The following GMPR variants were observed in gnomAD, a reference collection of about 807,000 sequenced individuals.
The protein encoded by GMPR is guanosine monophosphate reductase.
A neutral mutation model predicts 38.4 loss-of-function variants in GMPR; 31 were observed. That is an observed-to-expected ratio of 0.81 (90% CI 0.61 to 1.09). The LOEUF (loss-of-function observed/expected upper bound fraction) is 1.09. Among genes scored for constraint, GMPR ranks in the 50% least tolerant of loss-of-function variants. The pLI, the probability that GMPR is intolerant of heterozygous loss-of-function variation, is 0.00. For missense variants in GMPR, 468 were observed against 453.7 expected, an observed-to-expected ratio of 1.03 and a Z score of -0.29; for synonymous variants, 162 against 173.3, an observed-to-expected ratio of 0.93 and a Z score of 0.51.
chr6:16,292,093 A>T (rs1480601064), intron 8 of GMPR, among the ~76,000 whole-genome samples: 2 of 152,176 alleles, frequency 1.3e-5, no homozygotes, highest in East Asian at 3.9e-4. Flanking sequence ...TTTCCAGGAA[A>T]GTTCAGGCTT....
At chr6:16,282,050 C>T (rs1759583387) in intron 6 of GMPR, among the ~76,000 whole-genome samples, 1 of 152,214 alleles carries the variant, frequency 6.6e-6, no homozygotes, top group Non-Finnish European at 1.5e-5. Context: ...AGAAACCCAC[C>T]AGGTGTTTTG....
chr6:16,269,868 C>A (rs147372419), intron 4 of GMPR, among the ~76,000 whole-genome samples: 4 of 152,300 alleles, frequency 2.6e-5, no homozygotes, highest in African/African-American at 9.6e-5. Flanking sequence ...AGTCCAGTAT[C>A]AAGGCAGATT....
intron 4 of GMPR, among the ~76,000 whole-genome samples, chr6:16,261,949 T>A (rs372126851): frequency 2.0e-5 from 3 of 151,894 alleles, no homozygotes; most frequent in East Asian, 1.9e-4. Flanking sequence ...GATAATTTAG[T>A]TAAAGTGTCT....
chr6:16,287,430 T>C (rs1174954838), intron 7 of GMPR, among the ~76,000 whole-genome samples: 14 of 152,182 alleles, frequency 9.2e-5, no homozygotes, highest in Non-Finnish European at 2.1e-4. Context: ...TGGACCACAC[T>C]CAGCTCAGTC....
At chr6:16,290,671 T>A (rs573434737) in intron 8 of GMPR, 50 bp downstream of exon 8, 1 of 1,530,168 alleles carries the variant, frequency 6.5e-7, no homozygotes, top group Non-Finnish European at 9.0e-7. Flanking sequence ...CTTGCTTTTC[T>A]TACGGAGATG....
At chr6:16,240,004 T>A (rs149405720) in intron 1 of GMPR, among the ~76,000 whole-genome samples, 170 of 152,200 alleles carry the variant, frequency 1.1e-3, no homozygotes, top group African/African-American at 3.9e-3. Flanking sequence ...ACAAAAACAG[T>A]TTGGAGGGCA....
At chr6:16,290,825 G>A (rs1273446012) in intron 8 of GMPR, among the ~76,000 whole-genome samples, 1 of 152,230 alleles carries the variant, frequency 6.6e-6, no homozygotes, top group Admixed American at 6.5e-5. Flanking sequence ...GCAGTGTTTG[G>A]TGATGGGTTG....
Position 16,254,688 on chromosome 6 carries a change from G to C in GMPR, c.418G>C (p.Glu140Gln), listed in dbSNP as rs1410243096. 1 of 1,613,942 alleles carries C rather than the reference G, an allele frequency of 6.2e-7. No individual in the cohort carries two copies. Among genetic ancestry groups the C allele is most frequent in the Non-Finnish European group, 8.5e-7 (1 of 1,179,836 alleles). Residue 140 changes from glutamate (E) to glutamine (Q), a missense_variant, in exon 4 of 9, where the codon GAA becomes CAA. Coordinates refer to ENST00000259727, the MANE Select transcript of GMPR (RefSeq NM_006877.4). ...VANGYSEHFVEFVKLVRAKFP... is the reference protein window; with the variant it reads ...VANGYSEHFVQFVKLVRAKFP... ...CAATGGGTATTCAGAACATTTTGTG[G>C]AATTCGTGAAACTTGTCCGTGCCAA... is the stretch of plus-strand genomic sequence containing the variant.
chr6:16,283,280 A>AGCCCAAAT (rs1190193254), intron 6 of GMPR, among the ~76,000 whole-genome samples: 1 of 152,230 alleles, frequency 6.6e-6, no homozygotes, highest in African/African-American at 2.4e-5. Context: ...ACAAATTACA[A>AGCCCAAAT]GCCCAAATGT....
chr6:16,254,463 G>C (rs1758934199), intron 3 of GMPR, 99 bp from the exon 4 acceptor site: 1 of 977,436 alleles, frequency 1.0e-6, no homozygotes, highest in Non-Finnish European at 1.6e-6. Flanking sequence ...GACCGAAAAG[G>C]GTTGTTGTAC....
chr6:16,295,299 CTG>C lies in GMPR; in HGVS notation c.*117_*118del. On this transcript the variant is annotated 3_prime_UTR_variant, in exon 9 of 9. Transcript: ENST00000259727. ...CTGGCTGCTCCTGAATGGTGGAATG[CTG>C]TGTCCTCTCTTCTGTCTCCTGCTGC... is the stretch of plus-strand genomic sequence containing the variant. The C allele has an allele frequency of 1.3e-6, 1 of 782,904 alleles. No individual in the cohort carries two copies. The allele number at this position is 782,904 out of a possible 1,614,324, so 48.5% of individuals were successfully genotyped here. A position where few individuals can be genotyped will look rare whatever the true frequency, so the allele number is the denominator to read the frequency against.
At chr6:16,246,754 G>A (rs1028702920) in intron 1 of GMPR, 88 bp from the exon 2 acceptor site, 12 of 1,291,856 alleles carry the variant, frequency 9.3e-6, no homozygotes, top group South Asian at 1.3e-5. Flanking sequence ...GTTCCTACTC[G>A]CTCCAAACTC....
chr6:16,238,604 C>A lies in GMPR; in HGVS notation c.-90C>A. 1 of 309,166 alleles carries A rather than the reference C, an allele frequency of 3.2e-6. No homozygotes were observed. The highest frequency in any genetic ancestry group is 4.9e-6 in the Non-Finnish European group (1 of 204,550). 19.2% of individuals were successfully genotyped at this position (309,166 alleles called of 1,614,324 possible). ...CCCGGCCCACGCCAGCTCCCGGCCGCGGCACAGCAGCCCCGGCGCTCCCCG... is the reference window on the plus strand; with the variant it reads ...CCCGGCCCACGCCAGCTCCCGGCCGAGGCACAGCAGCCCCGGCGCTCCCCG... On this transcript the variant is annotated 5_prime_UTR_variant, in exon 1 of 9. Transcript: ENST00000259727.
intron 3 of GMPR, among the ~76,000 whole-genome samples, chr6:16,251,151 G>C (rs1005230530): frequency 6.6e-6 from 1 of 152,246 alleles, no homozygotes; most frequent in Non-Finnish European, 1.5e-5. Context: ...ATGTCTATCA[G>C]TGGGTGAAAG....
rs548550304 is a variant in GMPR, at chr6:16,238,679, A to G, written c.-15A>G. ...CCCCGCCGTCGCCGCCGCCGCAGCC[A>G]GGAGCCGCTGCACCATGCCCCGCAT... On this transcript the variant is annotated 5_prime_UTR_variant, in exon 1 of 9. Coordinates refer to ENST00000259727, the MANE Select transcript of GMPR (RefSeq NM_006877.4). 5.3e-6 allele frequency: 7 copies of G among 1,311,580 alleles called. No homozygotes were observed. Among genetic ancestry groups the G allele is most frequent in the East Asian group, 6.7e-5 (2 of 30,010 alleles). 81.2% of individuals were successfully genotyped at this position (1,311,580 alleles called of 1,614,324 possible).
chr6:16,246,969 G>A lies in GMPR; in HGVS notation c.207+8G>A, dbSNP rs1449208445. 3.7e-6 allele frequency: 6 copies of A among 1,611,642 alleles called. No individual in the cohort carries two copies. The highest frequency in any genetic ancestry group is 1.3e-5 in the African/African-American group (1 of 74,686). On this transcript the variant is annotated splice_region_variant and intron_variant, in intron 2 of 8. Transcript: ENST00000259727. Reference sequence around the variant, plus strand: ...GCAGCCGTGATGTCACAGGTGAGGCGGTAGGCTTTTGTTTTTTCCCTTTGC... The same window carrying A: ...GCAGCCGTGATGTCACAGGTGAGGCAGTAGGCTTTTGTTTTTTCCCTTTGC...
intron 2 of GMPR, among the ~76,000 whole-genome samples, chr6:16,249,718 G>T (rs950090234): frequency 1.3e-5 from 2 of 152,220 alleles, no homozygotes; most frequent in African/African-American, 4.8e-5. Flanking sequence ...CACAAAGCGG[G>T]TCATAAATGC....
intron 2 of GMPR, among the ~76,000 whole-genome samples, chr6:16,248,290 G>C (rs1267651551): frequency 6.9e-6 from 1 of 145,452 alleles, no homozygotes; most frequent in Non-Finnish European, 1.5e-5. Flanking sequence ...GAGAAGTACT[G>C]TTTGTTAAAA....
At chr6:16,289,847 A>ATTTTTTTTTTTTTTTTTTTTTTTTTT (rs1438743321) in intron 7 of GMPR, 1 of 90,124 alleles carries the variant, frequency 1.1e-5, no homozygotes, top group Non-Finnish European at 2.1e-5. Flanking sequence ...GATACTGCCC[A>ATTTTTTTTTTTTTTTTTTTTTTTTTT]ATTTTTTTTT....
Sources: allele counts gnomAD v4.1 joint callset (sites outside exome capture counted in the v4.1 genomes callset), GRCh38; gene constraint gnomAD v4.1.1; transcripts MANE v1.5; gene names NCBI Gene and HGNC (gene_info 2026-07-23, HGNC 2026-07-21).